Variants in SHANK2 observed in about 807,000 individuals in gnomAD.
SHANK2 encodes the protein SH3 and multiple ankyrin repeat domains 2.
A neutral mutation model predicts 133.7 loss-of-function variants in SHANK2; 43 were observed. The observed-to-expected ratio is 0.32, with a 90% CI of 0.25 to 0.41. The LOEUF (loss-of-function observed/expected upper bound fraction) is 0.41, where lower values mean the gene tolerates loss of function less well. Ranked by LOEUF, SHANK2 falls within the 10% of genes least tolerant of loss-of-function variation. SHANK2 has a pLI of 1.00. For synonymous variants in SHANK2, 1,017 were observed against 952.8 expected (o/e 1.07, Z -1.24); for missense variants, 1,994 against 2,235.8 (o/e 0.89, Z 2.18).
chr11:70,932,415 T>C (rs1401169211), intron 10 of SHANK2, among the ~76,000 whole-genome samples: 1 of 152,228 alleles, frequency 6.6e-6, no homozygotes, highest in African/African-American at 2.4e-5. Context: ...CTCTGCTGGG[T>C]CCGCGCACGT....
intron 10 of SHANK2, among the ~76,000 whole-genome samples, chr11:70,929,166 T>C (rs1418612597): frequency 2.0e-5 from 3 of 152,190 alleles, no homozygotes; most frequent in Non-Finnish European, 4.4e-5. Flanking sequence ...TAGTGGTGTG[T>C]GTATCATAAG....
At chr11:70,785,273 A>T (rs1034547497) in intron 14 of SHANK2, among the ~76,000 whole-genome samples, 1 of 152,196 alleles carries the variant, frequency 6.6e-6, no homozygotes, top group East Asian at 1.9e-4. Context: ...TCTTACCCCC[A>T]GACTTGAGGA....
intron 11 of SHANK2, among the ~76,000 whole-genome samples, chr11:70,884,868 G>A (rs757321854): frequency 1.1e-4 from 17 of 152,036 alleles, no homozygotes; most frequent in Admixed American, 7.2e-4. Flanking sequence ...TTACAGGCAC[G>A]TGCCACCATG....
intron 17 of SHANK2, among the ~76,000 whole-genome samples, chr11:70,562,366 A>C (rs913345882): frequency 1.3e-5 from 2 of 152,244 alleles, no homozygotes; most frequent in Non-Finnish European, 2.9e-5. Flanking sequence ...CATCAGTTAC[A>C]GAAGGAGAAG....
intron 9 of SHANK2, among the ~76,000 whole-genome samples, chr11:71,066,392 C>T (rs1222068363): frequency 1.4e-5 from 2 of 147,442 alleles, no homozygotes; most frequent in South Asian, 2.2e-4. Flanking sequence ...GAGCAGTGAG[C>T]AGGGAAGGTG....
At chr11:70,769,828 G>GGTAT (rs1947209197) in intron 14 of SHANK2, among the ~76,000 whole-genome samples, 2 of 151,924 alleles carry the variant, frequency 1.3e-5, no homozygotes, top group South Asian at 2.1e-4. Context: ...CACGTGTGTA[G>GGTAT]GTGTGTGTGT....
intron 1 of SHANK2, among the ~76,000 whole-genome samples, chr11:71,243,070 T>C (rs2135813923): frequency 6.6e-6 from 1 of 152,174 alleles, no homozygotes; most frequent in East Asian, 1.9e-4. Flanking sequence ...AAAGCAGTAC[T>C]TAAAGGAAAT....
intron 2 of SHANK2, among the ~76,000 whole-genome samples, chr11:71,172,605 AAAAAAAAG>A (rs1555112431): frequency 1.3e-5 from 2 of 151,320 alleles, no homozygotes; most frequent in African/African-American, 2.4e-5. Flanking sequence ...CTCAAAAAAA[AAAAAAAAG>A]AAAAAAAGAA....
Position 70,535,979 on chromosome 11 carries a change from G to T in SHANK2, c.2062-33048C>A, listed in dbSNP as rs1003508954. 2.0e-5 allele frequency among the ~76,000 whole-genome samples: 3 copies of T among 152,232 alleles called. No homozygotes were observed. Among genetic ancestry groups the T allele is most frequent in the Non-Finnish European group, 4.4e-5 (3 of 68,026 alleles). On this transcript the variant is annotated intron_variant, in intron 17 of 25. Coordinates refer to ENST00000601538, the MANE Select transcript of SHANK2 (RefSeq NM_012309.5). This position sits in a 1 kb window ranked among gnomAD's most constrained non-coding sequence, Gnocchi z 4.3. Reference sequence around the variant, plus strand: ...GGTTGACTGAGGGGGCTGCGTGGGGGCTGGGCCTGAAGCCAGACCAGCCCT... The same window carrying T: ...GGTTGACTGAGGGGGCTGCGTGGGGTCTGGGCCTGAAGCCAGACCAGCCCT...
chr11:70,661,783 C>T (rs1286708241), intron 15 of SHANK2, 105 bp from the exon 16 acceptor site: 4 of 1,613,668 alleles, frequency 2.5e-6, no homozygotes, highest in Non-Finnish European at 3.4e-6. Context: ...ATTAATCACC[C>T]CAGCTCGCCA....
At chr11:70,661,026 C>T (rs78820581) in intron 16 of SHANK2, among the ~76,000 whole-genome samples, 1,702 of 152,320 alleles carry the variant, frequency 0.011, 31 homozygotes, top group African/African-American at 0.038. Flanking sequence ...CCTCCCACGA[C>T]GGGCCACGTA....
chr11:71,084,095 G>C (rs924116098), intron 8 of SHANK2, among the ~76,000 whole-genome samples: 1 of 151,620 alleles, frequency 6.6e-6, no homozygotes, highest in South Asian at 2.1e-4. Context: ...TCAGCCTCCC[G>C]AGTAGCTGGG....
In SHANK2 at chr11:70,618,296, G is replaced by GAA. The variant is rs33915522; in HGVS notation, c.2061+41530_2061+41531dup. Among the ~76,000 whole-genome samples, 338 of 112,102 alleles carry GAA rather than the reference G, an allele frequency of 3.0e-3. 3 individuals carry two copies. Among genetic ancestry groups the GAA allele is most frequent in the Middle Eastern group, 4.8e-3 (1 of 208 alleles). The allele number at this position is 112,102 out of a possible 152,430, so 73.5% of individuals were successfully genotyped here. ...GCAACAGAGTTAAGACTCGGTCTCAGAAAAAAAAAAAAAAAAAGAAATGTT... is the reference window on the plus strand; with the variant it reads ...GCAACAGAGTTAAGACTCGGTCTCAGAAAAAAAAAAAAAAAAAAAGAAATGTT... On this transcript the variant is annotated intron_variant, in intron 17 of 25. Coordinates refer to ENST00000601538, the MANE Select transcript of SHANK2 (RefSeq NM_012309.5).
intron 18 of SHANK2, 91 bp from the exon 19 acceptor site, chr11:70,502,377 G>A: frequency 7.9e-7 from 1 of 1,264,788 alleles, no homozygotes; most frequent in Non-Finnish European, 1.1e-6. Flanking sequence ...GCTGGCAGGT[G>A]GGTCTCAGGC....
chr11:70,877,708 T>C (rs1204369607), intron 11 of SHANK2, among the ~76,000 whole-genome samples: 1 of 152,188 alleles, frequency 6.6e-6, no homozygotes, highest in Non-Finnish European at 1.5e-5. Flanking sequence ...GCTGGACTCC[T>C]GAAGCTCTGG....
chr11:70,759,792 T>A (rs1042574071), intron 14 of SHANK2, among the ~76,000 whole-genome samples: 2 of 152,182 alleles, frequency 1.3e-5, no homozygotes, highest in African/African-American at 4.8e-5. Flanking sequence ...ATGGACAACA[T>A]TAAAACCATT....
chr11:70,885,934 A>C (rs545285716), intron 11 of SHANK2, among the ~76,000 whole-genome samples: 3 of 152,320 alleles, frequency 2.0e-5, no homozygotes, highest in African/African-American at 7.2e-5. Context: ...ACTTCTAGAC[A>C]GATACGCACG....
intron 5 of SHANK2, among the ~76,000 whole-genome samples, chr11:71,111,103 C>A (rs529627149): frequency 6.6e-6 from 1 of 152,214 alleles, no homozygotes; most frequent in Admixed American, 6.5e-5. Flanking sequence ...GAGAGTCACA[C>A]TTTTGTTGTT....
chr11:70,737,842 T>C (rs1946436668), intron 14 of SHANK2, among the ~76,000 whole-genome samples: 1 of 152,214 alleles, frequency 6.6e-6, no homozygotes, highest in African/African-American at 2.4e-5. Flanking sequence ...AGGCCCGTCA[T>C]TTGCAAGAGC....
Sources: allele counts gnomAD v4.1 joint callset (sites outside exome capture counted in the v4.1 genomes callset), GRCh38; gene constraint gnomAD v4.1.1; non-coding constraint Gnocchi (gnomAD v3.1); transcripts MANE v1.5; gene names NCBI Gene and HGNC (gene_info 2026-07-23, HGNC 2026-07-21).